The following HPCAL1 variants were observed in gnomAD, a reference collection of about 807,000 sequenced individuals.
HPCAL1 encodes hippocalcin like 1, also known as hippocalcin-like protein 1.
In HPCAL1, 8 loss-of-function variants were observed where a neutral mutation model predicts 17.1. The observed-to-expected ratio is 0.47, with a 90% CI of 0.27 to 0.84. HPCAL1 has a LOEUF of 0.84. Among genes scored for constraint, HPCAL1 ranks in the 40% least tolerant of loss-of-function variants. The pLI is 0.13. For synonymous variants in HPCAL1, 112 were observed against 111.4 expected, an observed-to-expected ratio of 1.01 and a Z score of -0.03; for missense variants, 165 against 271.1, an observed-to-expected ratio of 0.61 and a Z score of 2.75.
Position 10,331,560 on chromosome 2 carries a change from C to G in HPCAL1, c.-111+28383C>G, listed in dbSNP as rs957725043. ...CCAGGAGCTTTTCCACGGCCAAGCGCTGGCTGGTGGTGGAGCTGCGCTGAA... is the reference window on the plus strand; with the variant it reads ...CCAGGAGCTTTTCCACGGCCAAGCGGTGGCTGGTGGTGGAGCTGCGCTGAA... On this transcript the variant is annotated intron_variant, in intron 1 of 4. Coordinates refer to ENST00000307845, the MANE Select transcript of HPCAL1 (RefSeq NM_002149.4). The surrounding 1 kb of genome is among the most constrained non-coding windows in gnomAD (Gnocchi z 5.0). 6.6e-6 allele frequency among the ~76,000 whole-genome samples: 1 copy of G among 152,210 alleles called. No individual in the cohort carries two copies. The highest frequency in any genetic ancestry group is 2.4e-5 in the African/African-American group (1 of 41,458).
chr2:10,324,854 G>T (rs375449440), intron 1 of HPCAL1, among the ~76,000 whole-genome samples: 1 of 114,884 alleles, frequency 8.7e-6, no homozygotes, highest in African/African-American at 3.5e-5. Flanking sequence ...ACAGAGTCTC[G>T]CTCTGTCACC....
intron 1 of HPCAL1, among the ~76,000 whole-genome samples, chr2:10,328,942 A>T (rs1386299712): frequency 1.3e-5 from 2 of 151,824 alleles, no homozygotes; most frequent in African/African-American, 4.8e-5. Context: ...GAGCCTTTAA[A>T]TGCCTGTAAG....
intron 1 of HPCAL1, among the ~76,000 whole-genome samples, chr2:10,335,366 G>C (rs1664652320): frequency 6.6e-6 from 1 of 152,282 alleles, no homozygotes; most frequent in Middle Eastern, 3.4e-3. Context: ...TAGGTGACAA[G>C]GGACCAAGGC....
At chr2:10,345,274 A>G (rs1368000236) in intron 1 of HPCAL1, among the ~76,000 whole-genome samples, 3 of 151,964 alleles carry the variant, frequency 2.0e-5, no homozygotes, top group Non-Finnish European at 4.4e-5. Context: ...CCTTTTTCCC[A>G]GGAGTGATAA....
chr2:10,386,735 A>T (rs72610735), intron 1 of HPCAL1, among the ~76,000 whole-genome samples: 34,175 of 151,902 alleles, frequency 0.22, 4,619 homozygotes, highest in East Asian at 0.59. Flanking sequence ...GGTGGAGGAG[A>T]CCACGCTTCA....
At chr2:10,373,097 C>A (rs2125517110) in intron 1 of HPCAL1, among the ~76,000 whole-genome samples, 1 of 152,382 alleles carries the variant, frequency 6.6e-6, no homozygotes, top group East Asian at 1.9e-4. Context: ...GTGAGAGCGG[C>A]AGCCTGAGAG....
At chr2:10,381,462 G>A (rs1162475636) in intron 1 of HPCAL1, among the ~76,000 whole-genome samples, 2 of 152,208 alleles carry the variant, frequency 1.3e-5, no homozygotes, top group African/African-American at 2.4e-5. Flanking sequence ...GCGTGGAGAT[G>A]TTCGTGTTCC....
At chr2:10,348,388 G>T (rs1057435824) in intron 1 of HPCAL1, among the ~76,000 whole-genome samples, 2 of 152,186 alleles carry the variant, frequency 1.3e-5, no homozygotes, top group African/African-American at 2.4e-5. Flanking sequence ...GGCGGAGGTT[G>T]CAGTGAGCCG....
intron 1 of HPCAL1, among the ~76,000 whole-genome samples, chr2:10,327,977 T>G (rs1234926973): frequency 6.6e-6 from 1 of 152,190 alleles, no homozygotes. Context: ...ATTTAGTAAG[T>G]GTAAAAGACT....
chr2:10,371,033 C>T (rs1050111880), intron 1 of HPCAL1, among the ~76,000 whole-genome samples: 1 of 152,126 alleles, frequency 6.6e-6, no homozygotes, highest in Non-Finnish European at 1.5e-5. Context: ...AGAGGAGGCA[C>T]CTCCAGGCTG....
intron 1 of HPCAL1, among the ~76,000 whole-genome samples, chr2:10,370,590 A>G (rs56922167): frequency 0.093 from 14,171 of 152,264 alleles, 802 homozygotes; most frequent in Middle Eastern, 0.17. Context: ...ACTGTGAGCT[A>G]GCCCTCAGGC....
At chr2:10,366,305 G>A (rs531775448) in intron 1 of HPCAL1, among the ~76,000 whole-genome samples, 18 of 152,214 alleles carry the variant, frequency 1.2e-4, no homozygotes, top group East Asian at 3.9e-4. Flanking sequence ...GTGCGATCTC[G>A]TCTCACTGCA....
At chr2:10,319,618 C>T (rs1663546287) in intron 1 of HPCAL1, among the ~76,000 whole-genome samples, 1 of 151,262 alleles carries the variant, frequency 6.6e-6, no homozygotes, top group Non-Finnish European at 1.5e-5. Context: ...AATACAGGGA[C>T]CCTGTGTTTG....
At chr2:10,390,304 G>T (rs370378386) in intron 1 of HPCAL1, among the ~76,000 whole-genome samples, 2 of 152,126 alleles carry the variant, frequency 1.3e-5, no homozygotes, top group Non-Finnish European at 2.9e-5. Context: ...GGACACATAG[G>T]CTCCTCTGTA....
intron 1 of HPCAL1, among the ~76,000 whole-genome samples, chr2:10,321,505 A>C (rs1011385374): frequency 2.0e-5 from 3 of 152,162 alleles, no homozygotes; most frequent in African/African-American, 7.2e-5. Flanking sequence ...CGCCATTTAA[A>C]AATGTACAAT....
chr2:10,396,265 C>A (rs1257200612), intron 1 of HPCAL1, among the ~76,000 whole-genome samples: 1 of 152,188 alleles, frequency 6.6e-6, no homozygotes, highest in Non-Finnish European at 1.5e-5. Flanking sequence ...CAATGTGGGC[C>A]TCAAGGAGGA....
chr2:10,357,127 G>A (rs1054292189), intron 1 of HPCAL1, among the ~76,000 whole-genome samples: 2 of 152,090 alleles, frequency 1.3e-5, no homozygotes, highest in African/African-American at 4.8e-5. Context: ...AAAAAAGATG[G>A]TGATGCTGTC....
At chr2:10,413,438 A>G (rs1670471429) in intron 2 of HPCAL1, among the ~76,000 whole-genome samples, 1 of 152,166 alleles carries the variant, frequency 6.6e-6, no homozygotes, top group African/African-American at 2.4e-5. Flanking sequence ...GTGTCCATTC[A>G]CCCAACACAG....
chr2:10,356,174 G>C (rs16856130), intron 1 of HPCAL1, among the ~76,000 whole-genome samples: 56,069 of 152,006 alleles, frequency 0.37, 11,162 homozygotes, highest in East Asian at 0.7. Flanking sequence ...TAAACTGATG[G>C]CCAGCAAGGT....
Sources: gnomAD v4.1 joint callset for allele counts (sites outside exome capture counted in the v4.1 genomes callset) on GRCh38, gnomAD v4.1.1 for gene constraint, Gnocchi (gnomAD v3.1) non-coding constraint, MANE v1.5 for transcripts, NCBI Gene and HGNC (gene_info 2026-07-23, HGNC 2026-07-21) for gene names.